COL24A1: variants seen among roughly 807,000 people sequenced by gnomAD.
COL24A1 encodes the protein collagen alpha-1(XXIV) chain.
In COL24A1, 224 loss-of-function variants were observed where a neutral mutation model predicts 253.9. The ratio of observed to expected loss-of-function variants is 0.88; its 90% CI spans 0.79 to 0.99. COL24A1 has a LOEUF of 0.99. Among genes scored for constraint, COL24A1 ranks in the 50% least tolerant of loss-of-function variants. The pLI is 0.00. For synonymous variants in COL24A1, 685 were observed against 673.7 expected (o/e 1.02, Z -0.26); for missense variants, 2,131 against 2,068.5 (o/e 1.03, Z -0.59).
chr1:85,907,123 G>T, intron 28 of COL24A1, 71 bp downstream of exon 28: 4 of 1,238,806 alleles, frequency 3.2e-6, no homozygotes, highest in Non-Finnish European at 3.5e-6. Flanking sequence ...TGCTATTTTT[G>T]TTGCACATTT....
intron 8 of COL24A1, among the ~76,000 whole-genome samples, chr1:86,061,868 C>G (rs539715588): frequency 6.6e-6 from 1 of 152,106 alleles, no homozygotes; most frequent in South Asian, 2.1e-4. Context: ...CTTGAGAAAA[C>G]AGGAACAGAA....
At chr1:85,905,519 G>GGCTC (rs1684729600) in intron 28 of COL24A1, among the ~76,000 whole-genome samples, 1 of 151,764 alleles carries the variant, frequency 6.6e-6, no homozygotes, top group Admixed American at 6.6e-5. Flanking sequence ...CAGTAAAGAA[G>GGCTC]GCTCTCTCTC....
chr1:85,854,443 C>T (rs1678180880), intron 37 of COL24A1, among the ~76,000 whole-genome samples: 1 of 152,086 alleles, frequency 6.6e-6, no homozygotes, highest in South Asian at 2.1e-4. Context: ...ACTTTGGCTA[C>T]TTGGGCTCTT....
intron 2 of COL24A1, among the ~76,000 whole-genome samples, chr1:86,133,589 C>G (rs998950079): frequency 6.6e-6 from 1 of 152,180 alleles, no homozygotes; most frequent in East Asian, 1.9e-4. Context: ...AAGGCCTTTT[C>G]TGCATCTGTT....
chr1:85,999,504 T>C (rs1349815875), intron 19 of COL24A1, among the ~76,000 whole-genome samples: 1 of 151,924 alleles, frequency 6.6e-6, no homozygotes, highest in Non-Finnish European at 1.5e-5. Context: ...ATGCCTGTGG[T>C]CCAAGCTATT....
chr1:85,874,020 C>T (rs1680855388), intron 35 of COL24A1, among the ~76,000 whole-genome samples: 1 of 151,922 alleles, frequency 6.6e-6, no homozygotes, highest in South Asian at 2.1e-4. Context: ...CCACCCCACC[C>T]AAAAAAGAGA....
At chr1:85,733,247 A>T (rs948220245) in intron 59 of COL24A1, among the ~76,000 whole-genome samples, 1 of 152,192 alleles carries the variant, frequency 6.6e-6, no homozygotes, top group Non-Finnish European at 1.5e-5. Context: ...ATAGGAAATG[A>T]AGCTACTTAA....
chr1:85,840,330 A>G (rs1558342018), intron 42 of COL24A1, among the ~76,000 whole-genome samples: 1 of 152,178 alleles, frequency 6.6e-6, no homozygotes, highest in Non-Finnish European at 1.5e-5. Flanking sequence ...TATTTAATAA[A>G]GAAACTTACA....
chr1:86,007,362 C>G (rs1696072025), intron 19 of COL24A1, among the ~76,000 whole-genome samples: 1 of 152,206 alleles, frequency 6.6e-6, no homozygotes, highest in Admixed American at 6.5e-5. Context: ...AACTCTTATT[C>G]ATTGCCAGTT....
At chr1:86,041,637 C>A (rs72958294) in intron 12 of COL24A1, among the ~76,000 whole-genome samples, 14,070 of 152,090 alleles carry the variant, frequency 0.093, 748 homozygotes, top group Middle Eastern at 0.2. Flanking sequence ...CATAACAAAT[C>A]CCCTCTCCCT....
chr1:86,041,449 C>T (rs554992007), intron 12 of COL24A1, among the ~76,000 whole-genome samples: 131 of 152,148 alleles, frequency 8.6e-4, no homozygotes, highest in African/African-American at 3.0e-3. Context: ...ATTTGCATGG[C>T]TAACTTGGTA....
intron 47 of COL24A1, among the ~76,000 whole-genome samples, chr1:85,814,697 T>C (rs1672889376): frequency 6.6e-6 from 1 of 152,228 alleles, no homozygotes. Flanking sequence ...TAAAATTTTC[T>C]GTCCTTCCTG....
rs886508226 is a variant in COL24A1, at chr1:85,730,565, C to T, written c.5126G>A (p.Ser1709Asn). The T allele has an allele frequency of 5.6e-6, 9 of 1,613,784 alleles. No homozygotes were observed. Among genetic ancestry groups the T allele is most frequent in the East Asian group, 2.2e-5 (1 of 44,852 alleles). ...GAGACTTTACAGAAAGCATACAGAA[C>T]TGCTGTCAATGTAATACTTTCGTTC... ...KTERKYYIDS[S>N]SVCFL The change falls in exon 60 of 60, where the codon AGT becomes AAT. Residue 1709 changes from serine (S) to asparagine (N), a missense_variant. By Grantham distance (46) the Ser-to-Asn change is conservative. Transcript: ENST00000370571.
At chr1:85,850,379 C>G (rs1187822677) in intron 37 of COL24A1, among the ~76,000 whole-genome samples, 8 of 152,282 alleles carry the variant, frequency 5.3e-5, no homozygotes, top group African/African-American at 1.4e-4. Context: ...TATGTAGGCT[C>G]TAGATAAATA....
chr1:85,784,174 G>A lies in COL24A1; in HGVS notation c.4168-8C>T, dbSNP rs757390196. 3.7e-6 allele frequency: 6 copies of A among 1,613,368 alleles called. No homozygotes were observed. The highest frequency in any genetic ancestry group is 5.1e-6 in the Non-Finnish European group (6 of 1,179,526). ...TTGAACACCATATTCTCCCTGCAAA[G>A]TGAATTGACATGATAATAATTATTG... On this transcript the variant is annotated splice_region_variant and splice_polypyrimidine_tract_variant and intron_variant, in intron 49 of 59. Transcript: ENST00000370571.
At chr1:85,953,869 A>T (rs2100604682) in intron 24 of COL24A1, among the ~76,000 whole-genome samples, 1 of 152,238 alleles carries the variant, frequency 6.6e-6, no homozygotes, top group East Asian at 1.9e-4. Context: ...AGAGGTTATT[A>T]AAAAATATTA....
rs1229488944 is a variant in COL24A1 at position 85,734,799 on chromosome 1, A to C, written c.4948T>G (p.Phe1650Val). ...IGFKGWNGQI[F>V]KVNTLLEPKV... ...GGTTCAAGTAGAGTGTTTACTTTAA[A>C]AATCTGGCCATTCCATCCCTTGAAA... The change falls in exon 59 of 60, where the codon TTT becomes GTT. Residue 1650 changes from phenylalanine (F) to valine (V), a missense_variant. Phe to Val is a conservative substitution (Grantham distance 50). Transcript: ENST00000370571. 3 of 1,614,100 alleles carry C rather than the reference A, an allele frequency of 1.9e-6. No individual in the cohort carries two copies. Among genetic ancestry groups the C allele is most frequent in the Non-Finnish European group, 2.5e-6 (3 of 1,180,044 alleles).
chr1:85,918,514 T>C (rs1452164035), intron 24 of COL24A1, among the ~76,000 whole-genome samples: 1 of 152,200 alleles, frequency 6.6e-6, no homozygotes, highest in Non-Finnish European at 1.5e-5. Flanking sequence ...TGGTTGTCTC[T>C]ACTACAGACT....
intron 20 of COL24A1, among the ~76,000 whole-genome samples, chr1:85,978,991 T>C (rs971426409): frequency 6.6e-6 from 1 of 152,028 alleles, no homozygotes; most frequent in Admixed American, 6.6e-5. Flanking sequence ...TCAAGTACCC[T>C]CTCAGACCAC....
Sources: allele counts gnomAD v4.1 joint callset (sites outside exome capture counted in the v4.1 genomes callset), GRCh38; gene constraint gnomAD v4.1.1; transcripts MANE v1.5; gene names NCBI Gene and HGNC (gene_info 2026-07-23, HGNC 2026-07-21).